PARG: variants seen among roughly 807,000 people sequenced by gnomAD.
PARG encodes the protein poly(ADP-ribose) glycohydrolase.
A neutral mutation model predicts 113.0 loss-of-function variants in PARG; 35 were observed. The observed-to-expected ratio is 0.31, with a 90% CI of 0.24 to 0.41. The LOEUF (loss-of-function observed/expected upper bound fraction) is 0.41. Among genes scored for constraint, PARG ranks in the 10% least tolerant of loss-of-function variants. PARG has a pLI of 1.00. For synonymous variants in PARG, 330 were observed against 409.9 expected, an observed-to-expected ratio of 0.81 and a Z score of 2.36; for missense variants, 797 against 1,169.4, an observed-to-expected ratio of 0.68 and a Z score of 4.64.
chr10:49,910,193 A>G (rs528334387), intron 7 of PARG, among the ~76,000 whole-genome samples: 2 of 152,040 alleles, frequency 1.3e-5, no homozygotes, highest in African/African-American at 4.8e-5. Context: ...TAGAGGCTTT[A>G]AACAGTCTTT....
chr10:49,896,627 G>A (rs1475160248), intron 7 of PARG, among the ~76,000 whole-genome samples: 2 of 152,016 alleles, frequency 1.3e-5, no homozygotes, highest in African/African-American at 4.8e-5. Context: ...AATTTTGTCA[G>A]GTGCTTATTC....
chr10:49,886,888 CTA>C (rs1198135816), intron 7 of PARG, among the ~76,000 whole-genome samples: 1 of 152,116 alleles, frequency 6.6e-6, no homozygotes, highest in Non-Finnish European at 1.5e-5. Flanking sequence ...AATAAAAAAA[CTA>C]AATTTTTAAA....
At chr10:49,884,025 T>C (rs1847342118) in intron 8 of PARG, among the ~76,000 whole-genome samples, 2 of 152,142 alleles carry the variant, frequency 1.3e-5, no homozygotes, top group South Asian at 2.1e-4. Flanking sequence ...GAGAGGCCCA[T>C]GTCAGGGCGT....
chr10:49,906,756 C>T (rs1428607411), intron 7 of PARG, among the ~76,000 whole-genome samples: 1 of 152,088 alleles, frequency 6.6e-6, no homozygotes, highest in Non-Finnish European at 1.5e-5. Context: ...CCAAAGATAA[C>T]CAAATAAGAT....
intron 16 of PARG, among the ~76,000 whole-genome samples, chr10:49,831,445 A>G (rs1229776116): frequency 6.6e-6 from 1 of 152,148 alleles, no homozygotes; most frequent in Non-Finnish European, 1.5e-5. Flanking sequence ...CTGGTGTGCC[A>G]TCTTGGGTTC....
At chr10:49,843,477 G>T in intron 14 of PARG, 77 bp downstream of exon 14, 1 of 813,000 alleles carries the variant, frequency 1.2e-6, no homozygotes, top group Non-Finnish European at 2.1e-6. Flanking sequence ...CAAGTAGACA[G>T]AATGAGAGTG....
intron 14 of PARG, 136 bp downstream of exon 14, chr10:49,843,418 T>C (rs1845342361): frequency 1.5e-6 from 1 of 668,124 alleles, no homozygotes. Context: ...AATGAACCTG[T>C]AATGCTGATT....
rs1028794103 is a variant in PARG, at chr10:49,820,129, T to C, written c.2776+36A>G. ...TTCCCACTGAATGGTGTACAATCCATCTAGATACCAAGTGTCAAGAGTATC... is the reference window on the plus strand; with the variant it reads ...TTCCCACTGAATGGTGTACAATCCACCTAGATACCAAGTGTCAAGAGTATC... On this transcript the variant is annotated intron_variant, in intron 17 of 17. Coordinates refer to ENST00000616448, the MANE Select transcript of PARG (RefSeq NM_003631.5). 3.5e-6 allele frequency: 5 copies of C among 1,443,208 alleles called. No individual in the cohort carries two copies. The Admixed American group carries it at 9.9e-5, about 29-fold the overall frequency. 89.4% of individuals were successfully genotyped at this position (1,443,208 alleles called of 1,614,324 possible).
rs1564631897 is a variant in PARG, at chr10:49,885,264, T to C, written c.1769A>G (p.Tyr590Cys). The change falls in exon 8 of 18, where the codon TAT becomes TGT. Residue 590 changes from tyrosine (Y) to cysteine (C), a missense_variant. This residue lies in a region of PARG where 252 missense variants were observed against 437.4 expected (regional missense o/e 0.58). Coordinates refer to ENST00000616448, the MANE Select transcript of PARG (RefSeq NM_003631.5). ...CACCATATCAGGCAAGATGGACTGA[T>C]ATAAATGTTGAGCTTCTGCTTCTTC... ...VLEEAEAQHLYQSILPDMVKI... is the reference protein window; with the variant it reads ...VLEEAEAQHLCQSILPDMVKI... The C allele has an allele frequency of 1.2e-6, 2 of 1,609,502 alleles. No homozygotes were observed. The highest frequency in any genetic ancestry group is 2.3e-4 in the Middle Eastern group (1 of 4,428).
chr10:49,900,566 AT>A, intron 7 of PARG, among the ~76,000 whole-genome samples: 1 of 152,392 alleles, frequency 6.6e-6, no homozygotes, highest in Non-Finnish European at 1.5e-5. Context: ...TTTAAACAAT[AT>A]TTATTGCACA....
intron 7 of PARG, among the ~76,000 whole-genome samples, chr10:49,904,746 T>C (rs1848497558): frequency 6.6e-6 from 1 of 151,852 alleles, no homozygotes; most frequent in South Asian, 2.1e-4. Flanking sequence ...TGAAACCCCA[T>C]CTCTACTAAA....
At chr10:49,897,084 T>C (rs1290221693) in intron 7 of PARG, among the ~76,000 whole-genome samples, 1 of 152,226 alleles carries the variant, frequency 6.6e-6, no homozygotes, top group African/African-American at 2.4e-5. Context: ...TTCAGTTTTA[T>C]CTTTATCCTT....
At position 49,932,123 on chromosome 10, in the gene PARG, C is replaced by T. The variant is rs1838515780; in HGVS notation, c.1432G>A (p.Ala478Thr). Reference sequence around the variant, plus strand: ...ACCCGAATAGTTACTGTGTGATTGGCAGATGGTCTCAAGAGAGGCAGCCGG... The same window carrying T: ...ACCCGAATAGTTACTGTGTGATTGGTAGATGGTCTCAAGAGAGGCAGCCGG... Reference protein sequence around the residue: ...GIRLPLLRPSANHTVTIRVDL... With the variant: ...GIRLPLLRPSTNHTVTIRVDL... The change falls in exon 4 of 18, where the codon GCC (alanine) becomes ACC (threonine). Residue 478 changes from alanine to threonine, a missense_variant. Coordinates refer to ENST00000616448, the MANE Select transcript of PARG (RefSeq NM_003631.5). The T allele has an allele frequency of 1.9e-6, 3 of 1,601,720 alleles. No individual in the cohort carries two copies. The African/African-American group carries it at 4.0e-5, about 21-fold the overall frequency.
intron 12 of PARG, among the ~76,000 whole-genome samples, chr10:49,858,369 AC>A (rs1416783783): frequency 1.5e-5 from 2 of 137,358 alleles, no homozygotes; most frequent in African/African-American, 6.0e-5. Flanking sequence ...ACACACACAC[AC>A]AACTTGTGTA....
At chr10:49,838,329 G>T (rs1845048526) in intron 15 of PARG, among the ~76,000 whole-genome samples, 2 of 150,940 alleles carry the variant, frequency 1.3e-5, no homozygotes, top group Admixed American at 6.6e-5. Flanking sequence ...TACTCAGGAG[G>T]CTGAGGCAGG....
intron 7 of PARG, among the ~76,000 whole-genome samples, chr10:49,891,097 C>A (rs1431512362): frequency 2.0e-5 from 3 of 152,180 alleles, no homozygotes; most frequent in Non-Finnish European, 4.4e-5. Flanking sequence ...GGCAAATCAC[C>A]AGGTCAGGAG....
intron 13 of PARG, among the ~76,000 whole-genome samples, chr10:49,844,754 C>CAAAAA (rs1554833039): frequency 6.6e-6 from 1 of 151,324 alleles, no homozygotes; most frequent in Non-Finnish European, 1.5e-5. Flanking sequence ...CATCTCAAAA[C>CAAAAA]AAAAACAAAA....
intron 13 of PARG, among the ~76,000 whole-genome samples, chr10:49,852,181 T>C (rs1419488212): frequency 3.9e-5 from 6 of 152,134 alleles, no homozygotes; most frequent in Admixed American, 2.6e-4. Context: ...ATCAAATAGA[T>C]GATGAAATGG....
At chr10:49,906,143 G>GC (rs1848575253) in intron 7 of PARG, among the ~76,000 whole-genome samples, 1 of 122,082 alleles carries the variant, frequency 8.2e-6, no homozygotes, top group Non-Finnish European at 1.9e-5. Flanking sequence ...TGATGCTGCC[G>GC]CTTTTTTTTT....
Sources: allele counts gnomAD v4.1 joint callset (sites outside exome capture counted in the v4.1 genomes callset), GRCh38; gene constraint gnomAD v4.1.1; regional missense constraint gnomAD v4.1.1; transcripts MANE v1.5; gene names NCBI Gene and HGNC (gene_info 2026-07-23, HGNC 2026-07-21).